The following OR51G2 variants were observed in gnomAD, a reference collection of about 807,000 sequenced individuals.
OR51G2 encodes olfactory receptor family 51 subfamily G member 2, also known as olfactory receptor 51G2.
OR51G2 carries 13 observed loss-of-function variants against 11.8 expected under a neutral mutation model. The ratio of observed to expected loss-of-function variants is 1.10; its 90% CI spans 0.72 to 1.76. The LOEUF (loss-of-function observed/expected upper bound fraction) is 1.76. Ranked by LOEUF, OR51G2 falls within the 40% of genes most tolerant of loss-of-function variation. The pLI is 0.00. For missense variants in OR51G2, 474 were observed against 394.4 expected, an observed-to-expected ratio of 1.20 and a Z score of -1.71; for synonymous variants, 178 against 151.9, an observed-to-expected ratio of 1.17 and a Z score of -1.26.
At chr11:4,918,047 C>G (rs34321685) in intron 1 of OR51G2, among the ~76,000 whole-genome samples, 14,152 of 151,884 alleles carry the variant, frequency 0.093, 848 homozygotes, top group Middle Eastern at 0.19. Flanking sequence ...TTGCCAGGCT[C>G]TGTATTAGGG....
At position 4,915,583 on chromosome 11, in the gene OR51G2, G is replaced by C; in HGVS notation, c.81C>G (p.Arg27=). The C allele has an allele frequency of 3.1e-6, 5 of 1,614,078 alleles. No individual in the cohort carries two copies. The highest frequency in any genetic ancestry group is 4.2e-6 in the Non-Finnish European group (5 of 1,180,004). ...FLLSGIPGLE[R]MHIWISIPLC... is the part of the protein sequence containing the mutation. ...GTGGGATGGAGATCCAGATGTGCAT[G>C]CGCTCCAGCCCAGGGATGCCACTCA... is the stretch of plus-strand genomic sequence containing the variant. Residue 27 remains arginine (R), a synonymous_variant, in exon 2 of 2, where the codon CGC becomes CGG. Transcript: ENST00000641926.
chr11:4,912,672 C>G lies in OR51G2; in HGVS notation c.*2047G>C, dbSNP rs1384113097. 1 of 141,928 alleles carries G rather than the reference C, an allele frequency of 7.0e-6. No individual in the cohort carries two copies. Among genetic ancestry groups the G allele is most frequent in the Non-Finnish European group, 1.5e-5 (1 of 64,956 alleles). 8.8% of individuals were successfully genotyped at this position (141,928 alleles called of 1,614,324 possible). A position where few individuals can be genotyped will look rare whatever the true frequency, so the allele number is the denominator to read the frequency against. The stretch of plus-strand genomic sequence containing the variant: ...TAATGAAAGATGTTGGAATATTGAG[C>G]CTTAAAAAATGTGATTATGGGATCT... On this transcript the variant is annotated 3_prime_UTR_variant, in exon 2 of 2. Transcript: ENST00000641926.
Position 4,915,041 on chromosome 11 carries a change from A to G in OR51G2, c.623T>C (p.Ile208Thr). The G allele has an allele frequency of 6.2e-7, 1 of 1,614,162 alleles. No homozygotes were observed. The change falls in exon 2 of 2, where the codon ATC (isoleucine) becomes ACC (threonine). Residue 208 changes from isoleucine to threonine, a missense_variant. By Grantham distance (89) the Ile-to-Thr change is moderately conservative. Transcript: ENST00000641926. ...KANSIYGMFV[I>T]VSTVGIDSLL... ...TGAGTCTATACCCACTGTAGAGACG[A>G]TGACAAACATGCCGTAGATGCTGTT...
In OR51G2 at chr11:4,914,907, C is replaced by T. The variant is rs780978252; in HGVS notation, c.757G>A (p.Val253Met). The T allele has an allele frequency of 1.9e-6, 3 of 1,614,102 alleles. No individual in the cohort carries two copies. The South Asian group carries it at 3.3e-5, about 18-fold the overall frequency. Reference protein sequence around the residue: ...LNTCVSHICAVLLFYTPMIGL... With the variant: ...LNTCVSHICAMLLFYTPMIGL... ...ATCATGGGAGTGTAGAAGAGCAGCACAGCACAGATGTGGGAAACACAGGTG... is the reference window on the plus strand; with the variant it reads ...ATCATGGGAGTGTAGAAGAGCAGCATAGCACAGATGTGGGAAACACAGGTG... Residue 253 changes from valine (V) to methionine (M), a missense_variant, in exon 2 of 2, where the codon GTG becomes ATG. Val to Met is a conservative substitution (Grantham distance 21). Coordinates refer to ENST00000641926, the MANE Select transcript of OR51G2 (RefSeq NM_001005238.2).
chr11:4,914,526 C>A lies in OR51G2; in HGVS notation c.*193G>T. On this transcript the variant is annotated 3_prime_UTR_variant, in exon 2 of 2. Coordinates refer to ENST00000641926, the MANE Select transcript of OR51G2 (RefSeq NM_001005238.2). ...GCTATTTTTAGAAAATAAAATTTAC[C>A]ACATCATATTACATTTTACCCCCCC... is the stretch of plus-strand genomic sequence containing the variant. 15 of 508,912 alleles carry A rather than the reference C, an allele frequency of 2.9e-5. No individual in the cohort carries two copies. The highest frequency in any genetic ancestry group is 1.1e-4 in the South Asian group (3 of 28,332). The allele number at this position is 508,912 out of a possible 1,614,324, so 31.5% of individuals were successfully genotyped here.
At position 4,913,610 on chromosome 11, in the gene OR51G2, C is replaced by T. The variant is rs1016507600; in HGVS notation, c.*1109G>A. 6.6e-6 allele frequency: 1 copy of T among 152,142 alleles called. No homozygotes were observed. The highest frequency in any genetic ancestry group is 1.9e-4 in the East Asian group (1 of 5,194). The allele number at this position is 152,142 out of a possible 1,614,324, so 9.4% of individuals were successfully genotyped here. A position where few individuals can be genotyped will look rare whatever the true frequency, so the allele number is the denominator to read the frequency against. ...CATATAAAAGGGCATAACAAACTAT[C>T]CTTGGTTCCTTGGCTTATAATCTCT... On this transcript the variant is annotated 3_prime_UTR_variant, in exon 2 of 2. Transcript: ENST00000641926.
Position 4,915,751 on chromosome 11 carries a change from TAAAG to T in OR51G2, c.-76-16_-76-13del. On this transcript the variant is annotated splice_polypyrimidine_tract_variant and intron_variant, in intron 1 of 1. Coordinates refer to ENST00000641926, the MANE Select transcript of OR51G2 (RefSeq NM_001005238.2). ...ACTGGTGATTGCACCTGGTGGAAAT[TAAAG>T]AAAAAAAATAGAATCAAATATACCT... 1.2e-6 allele frequency: 1 copy of T among 815,176 alleles called. No homozygotes were observed. The highest frequency in any genetic ancestry group is 1.9e-6 in the Non-Finnish European group (1 of 516,328). 50.5% of individuals were successfully genotyped at this position (815,176 alleles called of 1,614,324 possible). A position where few individuals can be genotyped will look rare whatever the true frequency, so the allele number is the denominator to read the frequency against.
rs939562114 is a variant in OR51G2 at position 4,914,562 on chromosome 11, C to G, written c.*157G>C. ...ACATTTTACCCCCCCCTGCCCTGGC[C>G]ACAACAGAGTGAGGGTTCTGTAAGG... On this transcript the variant is annotated 3_prime_UTR_variant, in exon 2 of 2. Transcript: ENST00000641926. 4.6e-5 allele frequency: 28 copies of G among 602,928 alleles called. No individual in the cohort carries two copies. The highest frequency in any genetic ancestry group is 8.2e-5 in the Non-Finnish European group (28 of 342,090). 37.3% of individuals were successfully genotyped at this position (602,928 alleles called of 1,614,324 possible).
rs1240394202 is a variant in OR51G2, at chr11:4,912,960, C to T, written c.*1759G>A. 1 of 121,630 alleles carries T rather than the reference C, an allele frequency of 8.2e-6. No individual in the cohort carries two copies. The highest frequency in any genetic ancestry group is 3.0e-5 in the African/African-American group (1 of 33,896). The allele number at this position is 121,630 out of a possible 1,614,324, so 7.5% of individuals were successfully genotyped here. ...TTCAAATTGGAAAAGAAAAAAAAAA[C>T]AAGCTGTAACTATTCAAATTACTAT... On this transcript the variant is annotated 3_prime_UTR_variant, in exon 2 of 2. Transcript: ENST00000641926.
chr11:4,917,082 CT>C (rs1415867267), intron 1 of OR51G2, among the ~76,000 whole-genome samples: 1 of 152,144 alleles, frequency 6.6e-6, no homozygotes, highest in Non-Finnish European at 1.5e-5. Context: ...AGGGTAGGGG[CT>C]TTTCTTTGTT....
At chr11:4,917,149 A>T (rs1324074675) in intron 1 of OR51G2, among the ~76,000 whole-genome samples, 1 of 59,332 alleles carries the variant, frequency 1.7e-5, no homozygotes, top group Non-Finnish European at 3.5e-5. Context: ...GATGCCAAGA[A>T]TGTTTTTTTG....
Position 4,914,608 on chromosome 11 carries a change from A to C in OR51G2, c.*111T>G. ...TAAGGACTGTAACTCATCCCTGTAC[A>C]TGTTTGTTGAGTAAGTAAATGTCTC... On this transcript the variant is annotated 3_prime_UTR_variant, in exon 2 of 2. Transcript: ENST00000641926. 1.4e-6 allele frequency: 1 copy of C among 740,630 alleles called. No individual in the cohort carries two copies. Among genetic ancestry groups the C allele is most frequent in the Non-Finnish European group, 2.2e-6 (1 of 449,064 alleles). 45.9% of individuals were successfully genotyped at this position (740,630 alleles called of 1,614,324 possible).
Position 4,915,170 on chromosome 11 carries a change from G to A in OR51G2, c.494C>T (p.Pro165Leu). 1 of 1,614,074 alleles carries A rather than the reference G, an allele frequency of 6.2e-7. No homozygotes were observed. The highest frequency in any genetic ancestry group is 8.5e-7 in the Non-Finnish European group (1 of 1,180,004). The stretch of plus-strand genomic sequence containing the variant: ...ATAGGGGAATCTTTTGAGCATAAAA[G>A]GTAATGGAAAAATGAGTGCTACACT... ...GRSVALIFPL[P>L]FMLKRFPYCG... Residue 165 changes from proline to leucine, a missense_variant, in exon 2 of 2, where the codon CCT becomes CTT. Pro to Leu is a moderately conservative substitution (Grantham distance 98, BLOSUM62 -3). Transcript: ENST00000641926.
rs773679036 is a variant in OR51G2 at position 4,914,956 on chromosome 11, C to T, written c.708G>A (p.Arg236=). Residue 236 remains arginine, a synonymous_variant, in exon 2 of 2, where the codon AGG becomes AGA. Coordinates refer to ENST00000641926, the MANE Select transcript of OR51G2 (RefSeq NM_001005238.2). ...TGTTAAGGGCCTTGAATCTCTCAGC[C>T]CTGGAGGCGATGGACAGCACGGTGC... ...ILRTVLSIAS[R]AERFKALNTC... The T allele has an allele frequency of 1.2e-6, 2 of 1,614,034 alleles. No homozygotes were observed. The highest frequency in any genetic ancestry group is 4.5e-5 in the East Asian group (2 of 44,842).
In OR51G2 at chr11:4,914,751, G is replaced by A. The variant is rs182708573; in HGVS notation, c.913C>T (p.Arg305Trp). 8.3e-5 allele frequency: 134 copies of A among 1,613,322 alleles called. 1 individual carries two copies. Among genetic ancestry groups the A allele is most frequent in the Middle Eastern group, 1.7e-4 (1 of 6,060 alleles). Residue 305 changes from arginine (R) to tryptophan (W), a missense_variant, in exon 2 of 2, where the codon CGG becomes TGG. Coordinates refer to ENST00000641926, the MANE Select transcript of OR51G2 (RefSeq NM_001005238.2). ...IVYSVKTKQI[R>W]DRVTHAFCY ...CAAAAGGCATGCGTCACTCGATCCC[G>A]GATCTGTTTGGTCTTCACACTGTAG...
Position 4,913,818 on chromosome 11 carries a change from T to G in OR51G2, c.*901A>C, listed in dbSNP as rs372927998. The G allele has an allele frequency of 1.3e-5, 2 of 152,314 alleles. No individual in the cohort carries two copies. The highest frequency in any genetic ancestry group is 3.9e-4 in the East Asian group (2 of 5,172). 9.4% of individuals were successfully genotyped at this position (152,314 alleles called of 1,614,324 possible). On this transcript the variant is annotated 3_prime_UTR_variant, in exon 2 of 2. Coordinates refer to ENST00000641926, the MANE Select transcript of OR51G2 (RefSeq NM_001005238.2). ...TGCTGTTCCTTTGGACTGGAACATA[T>G]TTTTGTCTCCTTCCTCTTACAGTTT...
At chr11:4,916,094 G>A (rs980150110) in intron 1 of OR51G2, among the ~76,000 whole-genome samples, 12 of 151,920 alleles carry the variant, frequency 7.9e-5, no homozygotes, top group Non-Finnish European at 1.2e-4. Context: ...CGAGGCGGGC[G>A]GATCATGAGG....
At chr11:4,916,378 C>T (rs559864245) in intron 1 of OR51G2, among the ~76,000 whole-genome samples, 4 of 142,174 alleles carry the variant, frequency 2.8e-5, no homozygotes, top group Non-Finnish European at 4.6e-5. Flanking sequence ...CTTTGCCTGC[C>T]TCTTACAAAT....
At chr11:4,918,064 C>G (rs541910040) in intron 1 of OR51G2, among the ~76,000 whole-genome samples, 8 of 151,824 alleles carry the variant, frequency 5.3e-5, no homozygotes, top group Non-Finnish European at 8.8e-5. Context: ...AGGGACATTC[C>G]AAAAATCACC....
Sources: gnomAD v4.1 joint callset for allele counts (sites outside exome capture counted in the v4.1 genomes callset) on GRCh38, gnomAD v4.1.1 for gene constraint, MANE v1.5 for transcripts, NCBI Gene and HGNC (gene_info 2026-07-23, HGNC 2026-07-21) for gene names.